The following OTOF variants were observed in gnomAD, a reference collection of about 807,000 sequenced individuals.
OTOF encodes the protein otoferlin.
Under a neutral mutation model 236.8 loss-of-function variants are expected in OTOF, and 218 were observed. The ratio of observed to expected loss-of-function variants is 0.92; its 90% CI spans 0.82 to 1.03. The LOEUF (loss-of-function observed/expected upper bound fraction) is 1.03, where lower values mean the gene tolerates loss of function less well. Among genes scored for constraint, OTOF ranks in the 50% least tolerant of loss-of-function variants. The pLI is 0.00. For synonymous variants in OTOF, 1,041 were observed against 1,072.5 expected, an observed-to-expected ratio of 0.97 and a Z score of 0.57; for missense variants, 2,590 against 2,694.4, an observed-to-expected ratio of 0.96 and a Z score of 0.86.
chr2:26,467,590 T>C, intron 33 of OTOF, 89 bp from the exon 34 acceptor site: 3 of 1,442,366 alleles, frequency 2.1e-6, no homozygotes, highest in Non-Finnish European at 2.9e-6. Context: ...TAATTTGCTT[T>C]ACTAACTTAA....
chr2:26,474,673 C>T lies in OTOF; in HGVS notation c.3128G>A (p.Gly1043Asp), dbSNP rs1380057445. 2.5e-6 allele frequency: 4 copies of T among 1,613,112 alleles called. No homozygotes were observed. Among genetic ancestry groups the T allele is most frequent in the African/African-American group, 1.3e-5 (1 of 74,906 alleles). Residue 1043 changes from glycine to aspartate, a missense_variant and splice_region_variant, in exon 26 of 47, where the codon GGC (glycine) becomes GAC (aspartate). Coordinates refer to ENST00000272371, the MANE Select transcript of OTOF (RefSeq NM_194248.3). ...VIEIYDQDSM[G>D]KADFMGRTFA... Reference sequence around the variant, plus strand: ...GGTCCGGCCCATGAAGTCAGCTTTGCCCTGACGCAACAGACAACCCAGAAG... The same window carrying T: ...GGTCCGGCCCATGAAGTCAGCTTTGTCCTGACGCAACAGACAACCCAGAAG...
intron 1 of OTOF, among the ~76,000 whole-genome samples, chr2:26,557,331 C>T (rs1452376468): frequency 6.6e-6 from 1 of 152,178 alleles, no homozygotes; most frequent in African/African-American, 2.4e-5. Flanking sequence ...ACTCTCAGAC[C>T]CCTCTCTCGG....
chr2:26,494,968 A>T lies in OTOF; in HGVS notation c.871T>A (p.Ser291Thr), dbSNP rs774578961. ...DDKKYTSMKE[S>T]TNCPYYNEYF... The stretch of plus-strand genomic sequence containing the variant: ...TCGTTGTAATAGGGGCAGTTAGTGG[A>T]CTCCTTCATGGATGTGTACTTCTTG... The change falls in exon 9 of 47, where the codon TCC becomes ACC. Residue 291 changes from serine (S) to threonine (T), a missense_variant. Physicochemically the swap from Ser to Thr is moderately conservative, Grantham distance 58. Around this residue, in one of 2 missense-constraint regions of OTOF, gnomAD observed 1,379 missense variants for 1,341.6 expected, o/e 1.03. Coordinates refer to ENST00000272371, the MANE Select transcript of OTOF (RefSeq NM_194248.3). 2 of 1,613,544 alleles carry T rather than the reference A, an allele frequency of 1.2e-6. No individual in the cohort carries two copies. The highest frequency in any genetic ancestry group is 2.2e-5 in the East Asian group (1 of 44,848).
In OTOF at chr2:26,473,351, G is replaced by A; in HGVS notation, c.3570+55C>T. ...CAAGAAGGGGCAGAGGAAGCCGGCTGGCTGAGTGGAGCCACACTGGCCACA... is the reference window on the plus strand; with the variant it reads ...CAAGAAGGGGCAGAGGAAGCCGGCTAGCTGAGTGGAGCCACACTGGCCACA... On this transcript the variant is annotated intron_variant, in intron 28 of 46. Coordinates refer to ENST00000272371, the MANE Select transcript of OTOF (RefSeq NM_194248.3). The surrounding 1 kb of genome is among the most constrained non-coding windows in gnomAD (Gnocchi z 7.2). The A allele has an allele frequency of 6.2e-7, 1 of 1,613,030 alleles. No individual in the cohort carries two copies.
In OTOF at chr2:26,477,590, G is replaced by T; in HGVS notation, c.2315+59C>A. ...TTCCTCATCTGCCCAGCCCTGGCAGGGTCCCCTTTGTCCAGTTCCGCCTCA... is the reference window on the plus strand; with the variant it reads ...TTCCTCATCTGCCCAGCCCTGGCAGTGTCCCCTTTGTCCAGTTCCGCCTCA... On this transcript the variant is annotated intron_variant, in intron 19 of 46. Transcript: ENST00000272371. This position sits in a 1 kb window ranked among gnomAD's most constrained non-coding sequence, Gnocchi z 4.7. 1.2e-6 allele frequency: 2 copies of T among 1,604,286 alleles called. No individual in the cohort carries two copies. The highest frequency in any genetic ancestry group is 2.2e-5 in the East Asian group (1 of 44,642).
At chr2:26,536,693 A>G (rs1438214026) in intron 2 of OTOF, among the ~76,000 whole-genome samples, 1 of 152,110 alleles carries the variant, frequency 6.6e-6, no homozygotes, top group Non-Finnish European at 1.5e-5. Context: ...GGCCCTTCCC[A>G]GCCCCCACAG....
chr2:26,481,678 G>A (rs1211166933), intron 14 of OTOF, among the ~76,000 whole-genome samples: 1 of 151,990 alleles, frequency 6.6e-6, no homozygotes, highest in Non-Finnish European at 1.5e-5. Flanking sequence ...TATTCACTGT[G>A]CTATAAACCA....
At chr2:26,486,837 C>A (rs1324733146) in intron 11 of OTOF, among the ~76,000 whole-genome samples, 1 of 152,126 alleles carries the variant, frequency 6.6e-6, no homozygotes, top group East Asian at 1.9e-4. Flanking sequence ...GATACAAGGA[C>A]CACATGAGAT....
chr2:26,558,660 G>A lies in OTOF; in HGVS notation c.-89C>T, dbSNP rs576242306. 4.8e-5 allele frequency: 55 copies of A among 1,150,718 alleles called. No homozygotes were observed. The African/African-American group carries it at 7.6e-4, about 16-fold the overall frequency. 71.3% of individuals were successfully genotyped at this position (1,150,718 alleles called of 1,614,324 possible). ...CGGCTCACACGCCTCTCTCTTCTCT[G>A]CCGCTGCCTCCTCCTCCTCCTCCCG... On this transcript the variant is annotated 5_prime_UTR_variant, in exon 1 of 47. Coordinates refer to ENST00000272371, the MANE Select transcript of OTOF (RefSeq NM_194248.3).
At chr2:26,520,337 G>A (rs1402311589) in intron 3 of OTOF, among the ~76,000 whole-genome samples, 3 of 152,266 alleles carry the variant, frequency 2.0e-5, no homozygotes, top group African/African-American at 4.8e-5. Context: ...TCTGGGTGAG[G>A]TGAGGTATCA....
intron 8 of OTOF, among the ~76,000 whole-genome samples, chr2:26,496,875 T>C (rs1313462203): frequency 4.6e-5 from 7 of 152,026 alleles, no homozygotes; most frequent in African/African-American, 1.2e-4. Context: ...TTAAATGAGA[T>C]CATGTGTGTC....
intron 13 of OTOF, 135 bp from the exon 14 acceptor site, chr2:26,482,727 G>A (rs749587578): frequency 1.3e-5 from 9 of 708,440 alleles, no homozygotes; most frequent in Non-Finnish European, 1.9e-5. Context: ...ATGCGTGTGT[G>A]AGTGGATGCA....
At chr2:26,466,876 G>C in intron 35 of OTOF, 25 bp from the exon 36 acceptor site, 1 of 1,614,040 alleles carries the variant, frequency 6.2e-7, no homozygotes, top group South Asian at 1.1e-5. Flanking sequence ...TGTGGGTCAG[G>C]GTGTAGGTTT....
chr2:26,527,875 G>A lies in OTOF; in HGVS notation c.184C>T (p.Leu62=), dbSNP rs1165536464. The change falls in exon 3 of 47, where the codon CTG becomes TTG. Residue 62 remains leucine (L), a synonymous_variant. Transcript: ENST00000272371. ...VASSIDRNEM[L]EIQVFNYSKV... ...CTGTAGTTGAAAACCTGAATCTCCA[G>A]CATCTCATTTCTGTCGATGCTGCTG... 1 of 1,613,954 alleles carries A rather than the reference G, an allele frequency of 6.2e-7. No individual in the cohort carries two copies. Among genetic ancestry groups the A allele is most frequent in the African/African-American group, 1.3e-5 (1 of 74,922 alleles).
chr2:26,473,094 T>C lies in OTOF; in HGVS notation c.3733+38A>G, dbSNP rs1437142030. Reference sequence around the variant, plus strand: ...ACCTGGAGCCCTTCCCTGGGGGGCGTGGAGCCAGGCTTGGTGGCAGGGTGG... The same window carrying C: ...ACCTGGAGCCCTTCCCTGGGGGGCGCGGAGCCAGGCTTGGTGGCAGGGTGG... On this transcript the variant is annotated intron_variant, in intron 29 of 46. Transcript: ENST00000272371. This position sits in a 1 kb window ranked among gnomAD's most constrained non-coding sequence, Gnocchi z 7.2. 2.5e-6 allele frequency: 4 copies of C among 1,597,802 alleles called. No homozygotes were observed. The highest frequency in any genetic ancestry group is 3.4e-6 in the Non-Finnish European group (4 of 1,171,074).
Position 26,464,063 on chromosome 2 carries a change from C to T in OTOF, c.5004G>A (p.Leu1668=), listed in dbSNP as rs373224736. Residue 1668 remains leucine, a synonymous_variant, in exon 40 of 47, where the codon CTG becomes CTA. Transcript: ENST00000272371. The part of the protein sequence containing the change: ...PTDEHVALLA[L]RHWEDIPRAG... ...CGCGGGGGATGTCCTCCCAGTGCCT[C>T]AGGGCCAACAGCGCCACATGCTCGT... 20 of 1,613,590 alleles carry T rather than the reference C, an allele frequency of 1.2e-5. No homozygotes were observed. The highest frequency in any genetic ancestry group is 8.9e-5 in the East Asian group (4 of 44,892).
At chr2:26,529,108 C>T (rs572796678) in intron 2 of OTOF, among the ~76,000 whole-genome samples, 2 of 152,120 alleles carry the variant, frequency 1.3e-5, no homozygotes, top group African/African-American at 4.8e-5. Context: ...GGTCCCTGTC[C>T]CACTCCACAT....
rs200185262 is a variant in OTOF, at chr2:26,527,891, G to A, written c.168C>T (p.Ile56=). 1.2e-5 allele frequency: 19 copies of A among 1,614,026 alleles called. No homozygotes were observed. The Admixed American group carries it at 1.7e-4, about 14-fold the overall frequency. Residue 56 remains isoleucine, a synonymous_variant, in exon 3 of 47, where the codon ATC becomes ATT. Transcript: ENST00000272371. Reference sequence around the variant, plus strand: ...GAATCTCCAGCATCTCATTTCTGTCGATGCTGCTGGCCACCGGCCACCGAA... The same window carrying A: ...GAATCTCCAGCATCTCATTTCTGTCAATGCTGCTGGCCACCGGCCACCGAA... The part of the protein sequence containing the change: ...ETFRWPVASS[I]DRNEMLEIQV...
intron 30 of OTOF, among the ~76,000 whole-genome samples, chr2:26,472,158 T>C (rs990970469): frequency 2.0e-5 from 3 of 150,786 alleles, no homozygotes; most frequent in Admixed American, 6.6e-5. Context: ...CCCACATACA[T>C]GCACACACAC....
Sources: gnomAD v4.1 joint callset for allele counts (sites outside exome capture counted in the v4.1 genomes callset) on GRCh38, gnomAD v4.1.1 for gene constraint, gnomAD v4.1.1 regional missense constraint, Gnocchi (gnomAD v3.1) non-coding constraint, MANE v1.5 for transcripts, NCBI Gene and HGNC (gene_info 2026-07-23, HGNC 2026-07-21) for gene names.